The following ABLIM1 variants were observed in gnomAD, a reference collection of about 807,000 sequenced individuals.
ABLIM1 encodes the protein actin binding LIM protein 1.
Under a neutral mutation model 107.0 loss-of-function variants are expected in ABLIM1, and 40 were observed. The observed-to-expected ratio is 0.37, with a 90% CI of 0.29 to 0.49. ABLIM1 has a LOEUF of 0.49. Ranked by LOEUF, ABLIM1 falls within the 20% of genes least tolerant of loss-of-function variation. ABLIM1 has a pLI of 0.97. For missense variants in ABLIM1, 857 were observed against 1,008.5 expected (o/e 0.85, Z 2.04); for synonymous variants, 357 against 357.3 (o/e 1.00, Z 0.01).
chr10:114,494,528 C>A lies in ABLIM1; in HGVS notation c.895-2650G>T, dbSNP rs111631046. On this transcript the variant is annotated intron_variant, in intron 6 of 22. Transcript: ENST00000533213. The stretch of plus-strand genomic sequence containing the variant: ...CCAGCCTGGGTGACAGAGCAAGAGT[C>A]CATCTCAAAAGCAAACCAAACCAAA... Among the ~76,000 whole-genome samples the A allele has an allele frequency of 5.5e-3, 831 of 152,140 alleles. 7 individuals carry two copies. Among genetic ancestry groups the A allele is most frequent in the African/African-American group, 0.019 (804 of 41,504 alleles).
At chr10:114,659,314 C>A (rs1471920543), upstream of ABLIM1, among the ~76,000 whole-genome samples, 2 of 151,194 alleles carry the variant, frequency 1.3e-5, no homozygotes, top group Non-Finnish European at 2.9e-5. Context: ...GAGACCAGCC[C>A]TGGCAACATA....
At chr10:114,704,656 GA>G (rs1372653477) in intron 1 of ABLIM1, among the ~76,000 whole-genome samples, 1 of 151,560 alleles carries the variant, frequency 6.6e-6, no homozygotes, top group Non-Finnish European at 1.5e-5. Context: ...GGGAGAAAGA[GA>G]AAACGGGCAG....
At chr10:114,726,647 TG>T (rs1175054366) in intron 1 of ABLIM1, among the ~76,000 whole-genome samples, 1 of 152,172 alleles carries the variant, frequency 6.6e-6, no homozygotes, top group African/African-American at 2.4e-5. Context: ...CTGAGCGTGG[TG>T]GCGGGCAACT....
intron 12 of ABLIM1, among the ~76,000 whole-genome samples, chr10:114,457,626 T>C (rs183372028): frequency 2.0e-5 from 3 of 152,176 alleles, no homozygotes; most frequent in African/African-American, 4.8e-5. Context: ...AAATAACTTA[T>C]GGGGGCCCTA....
chr10:114,575,633 C>T (rs768265977), intron 2 of ABLIM1, 34 bp from the exon 3 acceptor site: 1 of 1,592,076 alleles, frequency 6.3e-7, no homozygotes, highest in Non-Finnish European at 8.6e-7. Context: ...TGGTCATTAT[C>T]TGCCACACTG....
intron 15 of ABLIM1, 28 bp from the exon 16 acceptor site, chr10:114,445,431 A>C: frequency 6.3e-7 from 1 of 1,585,018 alleles, no homozygotes; most frequent in Non-Finnish European, 8.7e-7. Context: ...ACAACTTCTC[A>C]CATCAGCCCC....
intron 1 of ABLIM1, among the ~76,000 whole-genome samples, chr10:114,694,291 C>T (rs1043283550): frequency 1.3e-5 from 2 of 152,122 alleles, no homozygotes; most frequent in Admixed American, 6.5e-5. Flanking sequence ...GAAAACATCA[C>T]GGACTTCCTA....
chr10:114,749,626 A>G (rs897484431), intron 1 of ABLIM1, among the ~76,000 whole-genome samples: 7 of 152,212 alleles, frequency 4.6e-5, no homozygotes, highest in African/African-American at 9.6e-5. Context: ...AACACCCTTG[A>G]GTGGTTGTCG....
intron 1 of ABLIM1, among the ~76,000 whole-genome samples, chr10:114,645,383 A>C (rs2078968985): frequency 6.6e-6 from 1 of 152,128 alleles, no homozygotes; most frequent in African/African-American, 2.4e-5. Context: ...TGCACCTTTT[A>C]TTAGCCTCAC....
At chr10:114,457,747 C>A (rs1010020011) in intron 12 of ABLIM1, among the ~76,000 whole-genome samples, 1 of 152,234 alleles carries the variant, frequency 6.6e-6, no homozygotes, top group Non-Finnish European at 1.5e-5. Flanking sequence ...TTGTCATCAT[C>A]TATCAACCCT....
intron 21 of ABLIM1, 124 bp from the exon 22 acceptor site, chr10:114,438,048 T>G: frequency 1.2e-6 from 1 of 865,712 alleles, no homozygotes; most frequent in Non-Finnish European, 1.8e-6. Flanking sequence ...AGAATTCGAG[T>G]GATGGGTCTT....
At chr10:114,501,510 G>A (rs2060421010) in intron 6 of ABLIM1, among the ~76,000 whole-genome samples, 1 of 152,120 alleles carries the variant, frequency 6.6e-6, no homozygotes, top group Admixed American at 6.5e-5. Context: ...GTTTGGCAAG[G>A]CTAACGACTA....
chr10:114,690,145 A>C (rs2081042855), intron 1 of ABLIM1: 1 of 1,354,454 alleles, frequency 7.4e-7, no homozygotes, highest in Non-Finnish European at 1.0e-6. Context: ...AGTCAAACTT[A>C]TTCAAGTTGT....
In ABLIM1 at chr10:114,491,800, A is replaced by G; in HGVS notation, c.973T>C (p.Tyr325His). The change falls in exon 7 of 23, where the codon TAT becomes CAT. Residue 325 changes from tyrosine (Y) to histidine (H), a missense_variant. This residue lies in a region of ABLIM1 where 381 missense variants were observed against 506.9 expected (regional missense o/e 0.75). Transcript: ENST00000533213. ...NQMFTEGEEM[Y>H]LQGSTVWHPD... ...CTTGAGTCCACCTCACCTTGAAGAT[A>G]CATTTCCTCTCCTTCTGTGAACATC... 1 of 1,610,524 alleles carries G rather than the reference A, an allele frequency of 6.2e-7. No individual in the cohort carries two copies. Among genetic ancestry groups the G allele is most frequent in the Non-Finnish European group, 8.5e-7 (1 of 1,177,144 alleles).
At chr10:114,449,606 C>T (rs1230133430) in intron 14 of ABLIM1, among the ~76,000 whole-genome samples, 2 of 152,202 alleles carry the variant, frequency 1.3e-5, no homozygotes, top group Admixed American at 6.5e-5. Context: ...CTTGGCCAGG[C>T]ATGAAACAGT....
At chr10:114,440,973 G>A (rs773841253) in intron 19 of ABLIM1, 44 bp downstream of exon 19, 40 of 1,551,588 alleles carry the variant, frequency 2.6e-5, no homozygotes, top group Non-Finnish European at 3.2e-5. Context: ...CCTCAGCCTC[G>A]AGGGAAGACG....
intron 5 of ABLIM1, 45 bp downstream of exon 5, chr10:114,547,605 G>A: frequency 1.9e-6 from 3 of 1,608,810 alleles, no homozygotes; most frequent in Non-Finnish European, 2.5e-6. Flanking sequence ...GAACCACAAC[G>A]CCCGGTGCCC....
At chr10:114,632,096 C>A (rs1291591010) in intron 1 of ABLIM1, 3 of 985,162 alleles carry the variant, frequency 3.0e-6, no homozygotes, top group Admixed American at 6.2e-5. Context: ...GCGGGCCCCG[C>A]TCCCATGCCC....
chr10:114,569,320 C>G (rs1387650664), intron 4 of ABLIM1, among the ~76,000 whole-genome samples: 1 of 145,712 alleles, frequency 6.9e-6, no homozygotes, highest in African/African-American at 2.5e-5. Flanking sequence ...TTTTCTTTTT[C>G]TTTTTTTTTT....
Sources: allele counts gnomAD v4.1 joint callset (sites outside exome capture counted in the v4.1 genomes callset), GRCh38; gene constraint gnomAD v4.1.1; regional missense constraint gnomAD v4.1.1; transcripts MANE v1.5; gene names NCBI Gene and HGNC (gene_info 2026-07-23, HGNC 2026-07-21).